Variants in SPOCK1 observed in about 807,000 individuals in gnomAD.
SPOCK1 encodes testican-1.
Under a neutral mutation model 55.3 loss-of-function variants are expected in SPOCK1, and 23 were observed. The observed-to-expected ratio is 0.42, with a 90% confidence interval of 0.30 to 0.59. The LOEUF is 0.59. Ranked by LOEUF, SPOCK1 falls within the 20% of genes least tolerant of loss-of-function variation. The pLI is 0.22. For synonymous variants in SPOCK1, 226 were observed against 221.0 expected (o/e 1.02, Z -0.20); for missense variants, 499 against 552.5 (o/e 0.90, Z 0.97).
intron 2 of SPOCK1, among the ~76,000 whole-genome samples, chr5:137,445,778 T>C (rs898292596): frequency 1.3e-5 from 2 of 152,198 alleles, no homozygotes; most frequent in Admixed American, 6.5e-5. Flanking sequence ...TCAGACATGG[T>C]CTGAAGAATT....
intron 2 of SPOCK1, among the ~76,000 whole-genome samples, chr5:137,386,169 T>TA (rs1182743746): frequency 2.0e-5 from 3 of 152,276 alleles, no homozygotes; most frequent in Non-Finnish European, 4.4e-5. Context: ...GTATAAATCT[T>TA]AAAAAAGTAC....
At chr5:137,294,333 A>G (rs979521745) in intron 2 of SPOCK1, among the ~76,000 whole-genome samples, 3 of 152,234 alleles carry the variant, frequency 2.0e-5, no homozygotes, top group African/African-American at 7.2e-5. Flanking sequence ...GATTGAGTAC[A>G]TACTGTGCAT....
intron 2 of SPOCK1, among the ~76,000 whole-genome samples, chr5:137,306,389 T>G (rs1411897219): frequency 6.6e-6 from 1 of 152,168 alleles, no homozygotes; most frequent in Non-Finnish European, 1.5e-5. Context: ...TTCCTCTATC[T>G]CTGGGTGGGA....
At chr5:137,376,395 T>C (rs1375615500) in intron 2 of SPOCK1, among the ~76,000 whole-genome samples, 1 of 152,210 alleles carries the variant, frequency 6.6e-6, no homozygotes, top group Admixed American at 6.5e-5. Context: ...TGTGCTGGGC[T>C]TTGCTCAGTG....
chr5:137,429,452 A>G (rs991673455), intron 2 of SPOCK1, among the ~76,000 whole-genome samples: 10 of 152,292 alleles, frequency 6.6e-5, no homozygotes, highest in African/African-American at 2.2e-4. Flanking sequence ...TTGGATAAGT[A>G]TTTGTTTAAT....
intron 3 of SPOCK1, among the ~76,000 whole-genome samples, chr5:137,191,461 T>C (rs61134296): frequency 0.11 from 16,879 of 152,274 alleles, 1,187 homozygotes; most frequent in East Asian, 0.22. Context: ...TACTCTAGGG[T>C]TTAGCTAAGA....
chr5:137,197,688 A>T (rs1755329858), intron 3 of SPOCK1, among the ~76,000 whole-genome samples: 1 of 152,302 alleles, frequency 6.6e-6, no homozygotes, highest in East Asian at 1.9e-4. Context: ...TTGAGACGTA[A>T]TGTGGAATAG....
intron 2 of SPOCK1, among the ~76,000 whole-genome samples, chr5:137,488,270 G>C (rs1317977792): frequency 6.6e-6 from 1 of 152,048 alleles, no homozygotes; most frequent in African/African-American, 2.4e-5. Context: ...CCAGCTACTC[G>C]GGAGGCTGAG....
At chr5:137,185,435 C>T (rs1755050113) in intron 3 of SPOCK1, among the ~76,000 whole-genome samples, 1 of 152,220 alleles carries the variant, frequency 6.6e-6, no homozygotes. Flanking sequence ...ACTCCTCTCA[C>T]AGATGGCTTG....
At position 137,241,375 on chromosome 5, in the gene SPOCK1, T is replaced by C. The variant is rs527949336; in HGVS notation, c.232+25635A>G. Reference sequence around the variant, plus strand: ...TCTCTATATAAAGAGCTTCCAGAAGTTAACAAATGAAAGACCAAGGACCCA... The same window carrying C: ...TCTCTATATAAAGAGCTTCCAGAAGCTAACAAATGAAAGACCAAGGACCCA... On this transcript the variant is annotated intron_variant, in intron 3 of 10. Coordinates refer to ENST00000394945, the MANE Select transcript of SPOCK1 (RefSeq NM_004598.4). 2.8e-4 allele frequency among the ~76,000 whole-genome samples: 42 copies of C among 152,206 alleles called. No homozygotes were observed. The South Asian group carries it at 6.0e-3, about 22-fold the overall frequency.
intron 2 of SPOCK1, among the ~76,000 whole-genome samples, chr5:137,300,873 G>A (rs1354011665): frequency 6.6e-6 from 1 of 152,164 alleles, no homozygotes; most frequent in African/African-American, 2.4e-5. Flanking sequence ...CACACAGAAA[G>A]CCCCATGAAC....
chr5:137,074,587 G>A (rs1752689655), intron 5 of SPOCK1, among the ~76,000 whole-genome samples: 1 of 152,200 alleles, frequency 6.6e-6, no homozygotes, highest in Non-Finnish European at 1.5e-5. Context: ...CATGATTTCA[G>A]CTCACTGCAA....
chr5:137,258,680 C>T (rs1257947469), intron 3 of SPOCK1, among the ~76,000 whole-genome samples: 3 of 152,136 alleles, frequency 2.0e-5, no homozygotes, highest in Non-Finnish European at 4.4e-5. Context: ...GGTTTTTTCC[C>T]TCCTTTTATA....
chr5:137,464,942 C>T (rs1753569166), intron 2 of SPOCK1, among the ~76,000 whole-genome samples: 2 of 151,954 alleles, frequency 1.3e-5, no homozygotes, highest in Non-Finnish European at 2.9e-5. Flanking sequence ...AGAGAATCAC[C>T]AATATTTAAA....
At chr5:137,004,839 C>CAAAGAG (rs1283438449) in intron 6 of SPOCK1, among the ~76,000 whole-genome samples, 3 of 152,178 alleles carry the variant, frequency 2.0e-5, no homozygotes, top group African/African-American at 7.2e-5. Context: ...AAATAGACTT[C>CAAAGAG]CTACAGGCAA....
intron 6 of SPOCK1, among the ~76,000 whole-genome samples, chr5:137,066,025 C>A (rs1162343472): frequency 6.6e-6 from 1 of 152,176 alleles, no homozygotes; most frequent in Non-Finnish European, 1.5e-5. Context: ...TGAGGCCCTC[C>A]CAGAAACCTG....
At chr5:137,137,541 C>A (rs549458457) in intron 4 of SPOCK1, among the ~76,000 whole-genome samples, 60 of 152,326 alleles carry the variant, frequency 3.9e-4, no homozygotes, top group African/African-American at 1.4e-3. Flanking sequence ...CTGGACCAGG[C>A]CACCTCCCAG....
chr5:137,432,349 C>T (rs1286103333), intron 2 of SPOCK1, among the ~76,000 whole-genome samples: 1 of 152,184 alleles, frequency 6.6e-6, no homozygotes, highest in African/African-American at 2.4e-5. Context: ...AAGGTAGAAA[C>T]AACCCAAGTG....
intron 2 of SPOCK1, among the ~76,000 whole-genome samples, chr5:137,470,292 A>AT (rs1298467590): frequency 6.6e-6 from 1 of 152,194 alleles, no homozygotes; most frequent in African/African-American, 2.4e-5. Context: ...ATTTTTGCTG[A>AT]TTGATCAAGA....
Sources: gnomAD v4.1 joint callset for allele counts (sites outside exome capture counted in the v4.1 genomes callset) on GRCh38, gnomAD v4.1.1 for gene constraint, MANE v1.5 for transcripts, NCBI Gene and HGNC (gene_info 2026-07-23, HGNC 2026-07-21) for gene names.